The following TERT variants were observed in gnomAD, a reference collection of about 807,000 sequenced individuals.
The protein encoded by TERT is telomerase catalytic subunit.
In TERT, 42 loss-of-function variants were observed where a neutral mutation model predicts 104.0. The ratio of observed to expected loss-of-function variants is 0.40; its 90% confidence interval spans 0.32 to 0.52. The LOEUF is 0.52. Ranked by LOEUF, TERT falls within the 20% of genes least tolerant of loss-of-function variation. The probability of loss-of-function intolerance (pLI) is 0.43; values close to 1 mark genes in which losing one functional copy is unlikely to be tolerated. For synonymous variants in TERT, 781 were observed against 725.6 expected, an observed-to-expected ratio of 1.08 and a Z score of -1.23; for missense variants, 1,101 against 1,610.3, an observed-to-expected ratio of 0.68 and a Z score of 5.41.
chr5:1,279,288 C>T lies in TERT; in HGVS notation c.2130+3G>A, dbSNP rs2126641610. The stretch of plus-strand genomic sequence containing the variant: ...GCTGCTCACGGGGGTCCCCGGCACC[C>T]ACCTTGACAAAGTACAGCTCAGGCG... On this transcript the variant is annotated splice_donor_region_variant and intron_variant, in intron 5 of 15. Transcript: ENST00000310581. The T allele has an allele frequency of 6.3e-7, 1 of 1,575,868 alleles. No individual in the cohort carries two copies. The highest frequency in any genetic ancestry group is 8.6e-7 in the Non-Finnish European group (1 of 1,162,990).
chr5:1,289,778 T>G (rs1323533550), intron 2 of TERT, among the ~76,000 whole-genome samples: 4 of 102,974 alleles, frequency 3.9e-5, no homozygotes, highest in South Asian at 3.4e-4. Flanking sequence ...ACCCTACACG[T>G]GACAGGGACA....
intron 4 of TERT, 110 bp from the exon 5 acceptor site, chr5:1,279,580 C>A: frequency 8.8e-7 from 1 of 1,137,136 alleles, no homozygotes; most frequent in Non-Finnish European, 1.3e-6. Context: ...CCCAGCCACC[C>A]AGACCCGGGA....
intron 3 of TERT, among the ~76,000 whole-genome samples, chr5:1,281,757 C>A (rs534140699): frequency 6.6e-5 from 10 of 152,216 alleles, no homozygotes; most frequent in African/African-American, 2.4e-4. Flanking sequence ...GACCTAAATC[C>A]AATAGATTGA....
rs1747673219 is a variant in TERT, at chr5:1,255,605, T to C, written c.3033-194A>G. Among the ~76,000 whole-genome samples the C allele has an allele frequency of 1.3e-5, 2 of 152,206 alleles. No homozygotes were observed. Among genetic ancestry groups the C allele is most frequent in the Non-Finnish European group, 2.9e-5 (2 of 68,026 alleles). ...GTGCTTGTGTGTGCGAGTAGCTGCG[T>C]GTCTGTGTGTGCACAGGTACACTGC... is the stretch of plus-strand genomic sequence containing the variant. On this transcript the variant is annotated intron_variant, in intron 13 of 15. Coordinates refer to ENST00000310581, the MANE Select transcript of TERT (RefSeq NM_198253.3). This position sits in a 1 kb window ranked among gnomAD's most constrained non-coding sequence, Gnocchi z 6.9.
rs1750596320 is a variant in TERT, at chr5:1,287,950, G to A, written c.1574-5326C>T. Among the ~76,000 whole-genome samples the A allele has an allele frequency of 6.6e-6, 1 of 150,758 alleles. No individual in the cohort carries two copies. The highest frequency in any genetic ancestry group is 1.5e-5 in the Non-Finnish European group (1 of 67,836). On this transcript the variant is annotated intron_variant, in intron 2 of 15. Transcript: ENST00000310581. This position sits in a 1 kb window ranked among gnomAD's most constrained non-coding sequence, Gnocchi z 4.3. ...AGGCTCCGCAAACTTCAAATAATTGGTATTATACAGACCACTACACAACTG... is the reference window on the plus strand; with the variant it reads ...AGGCTCCGCAAACTTCAAATAATTGATATTATACAGACCACTACACAACTG...
intron 13 of TERT, among the ~76,000 whole-genome samples, chr5:1,258,389 C>T (rs1036026168): frequency 3.3e-5 from 5 of 152,272 alleles, no homozygotes; most frequent in Admixed American, 6.5e-5. Context: ...GGGGCCACAC[C>T]GGCTCCTACC....
chr5:1,257,584 T>C lies in TERT; in HGVS notation c.3032+1014A>G, dbSNP rs1331900395. Among the ~76,000 whole-genome samples, 2 of 152,196 alleles carry C rather than the reference T, an allele frequency of 1.3e-5. No individual in the cohort carries two copies. The highest frequency in any genetic ancestry group is 2.9e-5 in the Non-Finnish European group (2 of 68,028). On this transcript the variant is annotated intron_variant, in intron 13 of 15. Coordinates refer to ENST00000310581, the MANE Select transcript of TERT (RefSeq NM_198253.3). The surrounding 1 kb of genome is among the most constrained non-coding windows in gnomAD (Gnocchi z 5.6). ...GACGCACCCTGGAACTGAGACAGCC[T>C]GGTCCCAAGCCTCTGGAGCTGGTGC... is the stretch of plus-strand genomic sequence containing the variant.
chr5:1,267,049 C>T (rs1055457543), intron 9 of TERT, among the ~76,000 whole-genome samples: 2 of 152,214 alleles, frequency 1.3e-5, no homozygotes, highest in Non-Finnish European at 2.9e-5. Flanking sequence ...AGAGGGCTGA[C>T]CAGTGTGCCG....
chr5:1,282,627 T>G lies in TERT; in HGVS notation c.1574-3A>C, dbSNP rs1750107266. The G allele has an allele frequency of 1.2e-6, 2 of 1,613,640 alleles. No homozygotes were observed. The highest frequency in any genetic ancestry group is 4.5e-5 in the East Asian group (2 of 44,880). ...TGCGGCCGGAACACAGCCAACCCCT[T>G]AAACGAGAAGGACATGCCACATCCA... On this transcript the variant is annotated splice_polypyrimidine_tract_variant and splice_region_variant and intron_variant, in intron 2 of 15. Transcript: ENST00000310581.
intron 2 of TERT, among the ~76,000 whole-genome samples, chr5:1,285,451 C>T (rs1406653246): frequency 1.3e-5 from 2 of 152,304 alleles, no homozygotes; most frequent in East Asian, 3.9e-4. Flanking sequence ...GTGAGTGATG[C>T]TCCCACCAAT....
chr5:1,254,352 C>T lies in TERT; in HGVS notation c.3295+16G>A. On this transcript the variant is annotated intron_variant, in intron 15 of 15. Transcript: ENST00000310581. Reference sequence around the variant, plus strand: ...CTGGGCAGGTGGGGCCCGCACTGGCCTCCACCCACACTTGCCTGTCCTGAG... The same window carrying T: ...CTGGGCAGGTGGGGCCCGCACTGGCTTCCACCCACACTTGCCTGTCCTGAG... The T allele has an allele frequency of 1.2e-6, 2 of 1,613,026 alleles. No homozygotes were observed. Among genetic ancestry groups the T allele is most frequent in the South Asian group, 1.1e-5 (1 of 91,086 alleles).
At chr5:1,258,900 A>G (rs531890451) in intron 12 of TERT, among the ~76,000 whole-genome samples, 8 of 152,344 alleles carry the variant, frequency 5.3e-5, no homozygotes, top group African/African-American at 1.9e-4. Flanking sequence ...GGAAGGAACC[A>G]GGAGAGGGAG....
At position 1,261,868 on chromosome 5, in the gene TERT, G is replaced by A. The variant is rs748783768; in HGVS notation, c.2844-1268C>T. 1.3e-5 allele frequency among the ~76,000 whole-genome samples: 2 copies of A among 152,216 alleles called. No homozygotes were observed. The highest frequency in any genetic ancestry group is 2.4e-5 in the African/African-American group (1 of 41,454). Reference sequence around the variant, plus strand: ...CCCTTTGCCAGCTGGGTGACCAAGGGCGGCTGCTCCCCTGGAGCCTTTCCT... The same window carrying A: ...CCCTTTGCCAGCTGGGTGACCAAGGACGGCTGCTCCCCTGGAGCCTTTCCT... On this transcript the variant is annotated intron_variant, in intron 11 of 15. Coordinates refer to ENST00000310581, the MANE Select transcript of TERT (RefSeq NM_198253.3). The surrounding 1 kb of genome is among the most constrained non-coding windows in gnomAD (Gnocchi z 7.4).
rs781652548 is a variant in TERT, at chr5:1,293,794, G to C, written c.1092C>G (p.Ile364Met). The change falls in exon 2 of 16, where the codon ATC becomes ATG. Residue 364 changes from isoleucine (I) to methionine (M), a missense_variant. Transcript: ENST00000310581. ...GCATCCAGGGCCTGGAACCCAGAAAGATGGTCTCCACGAGCCTCCGAGCGC... is the reference window on the plus strand; with the variant it reads ...GCATCCAGGGCCTGGAACCCAGAAACATGGTCTCCACGAGCCTCCGAGCGC... The part of the protein sequence containing the change: ...LTGARRLVET[I>M]FLGSRPWMPG... 1.9e-6 allele frequency: 3 copies of C among 1,552,438 alleles called. No homozygotes were observed. Among genetic ancestry groups the C allele is most frequent in the South Asian group, 1.2e-5 (1 of 84,204 alleles).
chr5:1,278,722 G>T lies in TERT; in HGVS notation c.2205C>A (p.Pro735=), dbSNP rs772650889. 4.3e-6 allele frequency: 7 copies of T among 1,614,182 alleles called. No homozygotes were observed. Among genetic ancestry groups the T allele is most frequent in the East Asian group, 2.2e-5 (1 of 44,886 alleles). Residue 735 remains proline, a synonymous_variant, in exon 6 of 16, where the codon CCC becomes CCA. Transcript: ENST00000310581. The part of the protein sequence containing the change: ...LTEVIASIIK[P]QNTYCVRRYA... Reference sequence around the variant, plus strand: ...ACCGACGCACGCAGTACGTGTTCTGGGGTTTGATGATGCTGGCGATGACCT... The same window carrying T: ...ACCGACGCACGCAGTACGTGTTCTGTGGTTTGATGATGCTGGCGATGACCT...
Position 1,272,274 on chromosome 5 carries a change from T to C in TERT, c.2293A>G (p.Thr765Ala). Residue 765 changes from threonine (T) to alanine (A), a missense_variant, in exon 7 of 16, where the codon ACC (threonine) becomes GCC (alanine). Thr to Ala is a moderately conservative substitution (Grantham distance 58). Coordinates refer to ENST00000310581, the MANE Select transcript of TERT (RefSeq NM_198253.3). ...ATGTACGGCTGGAGGTCTGTCAAGG[T>C]AGAGACCTGCCGGCAGAGGAGAGGG... ...VRKAFKSHVS[T>A]LTDLQPYMRQ... The C allele has an allele frequency of 6.2e-7, 1 of 1,610,758 alleles. No individual in the cohort carries two copies.
intron 3 of TERT, 27 bp downstream of exon 3, chr5:1,282,399 AAGC>A (rs746708770): frequency 6.2e-7 from 1 of 1,611,064 alleles, no homozygotes; most frequent in Admixed American, 1.7e-5. Context: ...GGACTTCGAG[AAGC>A]AGAGGCCTGG....
intron 4 of TERT, among the ~76,000 whole-genome samples, chr5:1,279,731 C>T (rs1554041021): frequency 2.6e-5 from 4 of 152,326 alleles, no homozygotes; most frequent in Middle Eastern, 3.4e-3. Flanking sequence ...CCGCAGCCAC[C>T]GCAGCCACAG....
Position 1,257,307 on chromosome 5 carries a change from G to A in TERT, c.3032+1291C>T, listed in dbSNP as rs989160294. 2.0e-5 allele frequency among the ~76,000 whole-genome samples: 3 copies of A among 152,030 alleles called. No homozygotes were observed. Among genetic ancestry groups the A allele is most frequent in the Non-Finnish European group, 2.9e-5 (2 of 67,980 alleles). ...ACATGGCCCTGGGAGTTTCCCAGGA[G>A]TTTTCACCTGGGAAAACTCCTCTGA... is the stretch of plus-strand genomic sequence containing the variant. On this transcript the variant is annotated intron_variant, in intron 13 of 15. Coordinates refer to ENST00000310581, the MANE Select transcript of TERT (RefSeq NM_198253.3). The surrounding 1 kb of genome is among the most constrained non-coding windows in gnomAD (Gnocchi z 5.6).
Sources: gnomAD v4.1 joint callset for allele counts (sites outside exome capture counted in the v4.1 genomes callset) on GRCh38, gnomAD v4.1.1 for gene constraint, Gnocchi (gnomAD v3.1) non-coding constraint, MANE v1.5 for transcripts, NCBI Gene and HGNC (gene_info 2026-07-23, HGNC 2026-07-21) for gene names.